The following SYBU variants were observed in gnomAD, a reference collection of about 807,000 sequenced individuals.
The protein encoded by SYBU is syntabulin.
In SYBU, 21 loss-of-function variants were observed where a neutral mutation model predicts 35.9. The observed-to-expected ratio is 0.58, with a 90% CI of 0.41 to 0.84. SYBU has a LOEUF of 0.84. Among genes scored for constraint, SYBU ranks in the 40% least tolerant of loss-of-function variants. The pLI is 0.00. For synonymous variants in SYBU, 319 were observed against 324.3 expected (o/e 0.98, Z 0.18); for missense variants, 768 against 848.2 (o/e 0.91, Z 1.17).
chr8:109,603,744 C>T (rs1825789848), intron 3 of SYBU, among the ~76,000 whole-genome samples: 2 of 152,094 alleles, frequency 1.3e-5, no homozygotes, highest in African/African-American at 4.8e-5. Flanking sequence ...GAAAATACCC[C>T]CCAACATATT....
chr8:109,668,165 G>GGAGAGAGAGAGAGAGAGAGAGA (rs60330422), intron 1 of SYBU, among the ~76,000 whole-genome samples: 9 of 89,042 alleles, frequency 1.0e-4, no homozygotes, highest in Non-Finnish European at 1.6e-4. Context: ...GGGGAGAGGG[G>GGAGAGAGAGAGAGAGAGAGAGA]GAGAGAGAGA....
chr8:109,644,219 G>T (rs764787202), intron 1 of SYBU: 2 of 473,264 alleles, frequency 4.2e-6, no homozygotes, highest in South Asian at 3.1e-5. Flanking sequence ...CTGCCGCCCA[G>T]CAGGTACCAT....
intron 1 of SYBU, among the ~76,000 whole-genome samples, chr8:109,679,289 T>C (rs1486767011): frequency 6.6e-6 from 1 of 152,210 alleles, no homozygotes; most frequent in Non-Finnish European, 1.5e-5. Flanking sequence ...TACCCCTTGT[T>C]TAGCATGTAA....
intron 1 of SYBU, among the ~76,000 whole-genome samples, chr8:109,679,605 A>T (rs1297193329): frequency 6.6e-6 from 1 of 152,204 alleles, no homozygotes; most frequent in East Asian, 1.9e-4. Context: ...GACCTCAAAC[A>T]AGGTGAGGTT....
chr8:109,678,877 G>A (rs1364030924), intron 1 of SYBU, among the ~76,000 whole-genome samples: 4 of 152,120 alleles, frequency 2.6e-5, no homozygotes, highest in South Asian at 2.1e-4. Flanking sequence ...TGTCAGAGGC[G>A]TTTGAACTAG....
chr8:109,585,909 A>G (rs1823558811), intron 4 of SYBU, 151 bp downstream of exon 4: 2 of 625,518 alleles, frequency 3.2e-6, no homozygotes, highest in African/African-American at 1.8e-5. Flanking sequence ...AAAACTACCA[A>G]TTTAAAATCA....
chr8:109,618,898 C>G lies in SYBU; in HGVS notation c.371G>C (p.Gly124Ala), dbSNP rs556210881. Residue 124 changes from glycine to alanine, a missense_variant, in exon 3 of 7, where the codon GGA becomes GCA. Coordinates refer to ENST00000276646, the MANE Select transcript of SYBU (RefSeq NM_001099754.2). ...KKCTIGMVGE[G>A]SIQSSRYKKE... Reference sequence around the variant, plus strand: ...CTTATATCGAGAGGACTGAATGCTTCCTTCACCAACCATTCCAATCGTGCA... The same window carrying G: ...CTTATATCGAGAGGACTGAATGCTTGCTTCACCAACCATTCCAATCGTGCA... 3 of 1,614,196 alleles carry G rather than the reference C, an allele frequency of 1.9e-6. No individual in the cohort carries two copies. In the African/African-American group the frequency reaches 4.0e-5, roughly 22 times the overall value.
chr8:109,658,943 G>A (rs1363448087), intron 1 of SYBU, among the ~76,000 whole-genome samples: 5 of 150,452 alleles, frequency 3.3e-5, no homozygotes, highest in South Asian at 2.1e-4. Context: ...GAGACAGAGC[G>A]AGACTCTGCC....
chr8:109,650,707 A>G (rs966362432), intron 1 of SYBU, among the ~76,000 whole-genome samples: 1 of 152,216 alleles, frequency 6.6e-6, no homozygotes, highest in African/African-American at 2.4e-5. Flanking sequence ...TAGGAAAATA[A>G]AACTAGAATT....
chr8:109,640,138 A>G (rs1814692421), intron 2 of SYBU, among the ~76,000 whole-genome samples: 1 of 152,174 alleles, frequency 6.6e-6, no homozygotes, highest in African/African-American at 2.4e-5. Context: ...CCATAATTAT[A>G]TGCTTCTGCC....
intron 1 of SYBU, among the ~76,000 whole-genome samples, chr8:109,661,625 A>C (rs774608090): frequency 5.3e-5 from 8 of 152,314 alleles, no homozygotes; most frequent in Non-Finnish European, 7.4e-5. Flanking sequence ...GTGCAAGAAG[A>C]AGCAAACCAG....
chr8:109,688,500 C>CAGAAAGAA (rs1817569958), intron 1 of SYBU, among the ~76,000 whole-genome samples: 1 of 152,102 alleles, frequency 6.6e-6, no homozygotes, highest in Non-Finnish European at 1.5e-5. Context: ...CCATTGGTGG[C>CAGAAAGAA]CAACCCCAAA....
At chr8:109,617,101 A>C (rs1488074900) in intron 3 of SYBU, among the ~76,000 whole-genome samples, 1 of 151,872 alleles carries the variant, frequency 6.6e-6, no homozygotes, top group African/African-American at 2.4e-5. Context: ...GCACCACTGC[A>C]CTCCAGTCTG....
At chr8:109,639,207 T>C (rs1814578390) in intron 2 of SYBU, among the ~76,000 whole-genome samples, 1 of 152,188 alleles carries the variant, frequency 6.6e-6, no homozygotes, top group Admixed American at 6.5e-5. Context: ...TTTGCTGAAG[T>C]ATAGCTACCA....
At chr8:109,642,961 A>G in intron 1 of SYBU, 29 bp from the exon 2 acceptor site, 4 of 1,448,434 alleles carry the variant, frequency 2.8e-6, no homozygotes, top group Non-Finnish European at 3.7e-6. Context: ...AAAAGAAAAC[A>G]AAAGGAAACG....
intron 2 of SYBU, among the ~76,000 whole-genome samples, chr8:109,621,541 G>T (rs539067387): frequency 6.6e-6 from 1 of 152,184 alleles, no homozygotes; most frequent in Non-Finnish European, 1.5e-5. Flanking sequence ...GTGTGTGTTG[G>T]GGGGGCAATA....
chr8:109,589,033 G>A (rs1823934392), intron 3 of SYBU, among the ~76,000 whole-genome samples: 1 of 152,106 alleles, frequency 6.6e-6, no homozygotes, highest in South Asian at 2.1e-4. Context: ...GGTGGTGAGC[G>A]CCTGTAATCC....
At chr8:109,587,918 A>G (rs1448066884) in intron 3 of SYBU, among the ~76,000 whole-genome samples, 2 of 152,160 alleles carry the variant, frequency 1.3e-5, no homozygotes, top group African/African-American at 2.4e-5. Flanking sequence ...AAGCTCCCCA[A>G]ACTTAATCAG....
chr8:109,687,910 A>G (rs1406332687), intron 1 of SYBU, among the ~76,000 whole-genome samples: 1 of 152,208 alleles, frequency 6.6e-6, no homozygotes, highest in Non-Finnish European at 1.5e-5. Flanking sequence ...AGAAGTACTC[A>G]TTCTAACCAC....
Sources: gnomAD v4.1 joint callset for allele counts (sites outside exome capture counted in the v4.1 genomes callset) on GRCh38, gnomAD v4.1.1 for gene constraint, MANE v1.5 for transcripts, NCBI Gene and HGNC (gene_info 2026-07-23, HGNC 2026-07-21) for gene names.